The following VPS37C variants were observed in gnomAD, a reference collection of about 807,000 sequenced individuals.
VPS37C encodes the protein VPS37C subunit of ESCRT-I, also known as vacuolar protein sorting-associated protein 37C.
In VPS37C, 9 loss-of-function variants were observed where a neutral mutation model predicts 16.1. That is an observed-to-expected ratio of 0.56 (90% CI 0.34 to 0.97). VPS37C has a LOEUF of 0.97. VPS37C is among the 50% of genes least tolerant of loss of function. VPS37C has a pLI of 0.02. For missense variants in VPS37C, 479 were observed against 472.7 expected (o/e 1.01, Z -0.12); for synonymous variants, 207 against 206.4 (o/e 1.00, Z -0.02).
At position 61,131,985 on chromosome 11, in the gene VPS37C, T is replaced by A; in HGVS notation, c.903A>T (p.Pro301=). ...GAGGTTTTCCTCCTGTTGCGGGGTATGGGGACTGTTGAGGATAACCAGGAC... is the reference window on the plus strand; with the variant it reads ...GAGGTTTTCCTCCTGTTGCGGGGTAAGGGGACTGTTGAGGATAACCAGGAC... ...APSPGYPQQS[P]YPATGGKPPY... The change falls in exon 5 of 5, where the codon CCA becomes CCT. Residue 301 remains proline, a synonymous_variant. Coordinates refer to ENST00000301765, the MANE Select transcript of VPS37C (RefSeq NM_017966.5). 1 of 1,340,834 alleles carries A rather than the reference T, an allele frequency of 7.5e-7. No homozygotes were observed. 83.1% of individuals were successfully genotyped at this position (1,340,834 alleles called of 1,614,324 possible). A position where few individuals can be genotyped will look rare whatever the true frequency, so the allele number is the denominator to read the frequency against.
intron 1 of VPS37C, among the ~76,000 whole-genome samples, chr11:61,150,292 C>G (rs1270718686): frequency 1.3e-5 from 2 of 152,198 alleles, no homozygotes; most frequent in African/African-American, 2.4e-5. Flanking sequence ...CTGCCCTATG[C>G]AGGCTGCAAA....
chr11:61,154,060 A>G (rs1853344333), intron 1 of VPS37C, among the ~76,000 whole-genome samples: 1 of 152,254 alleles, frequency 6.6e-6, no homozygotes, highest in South Asian at 2.1e-4. Context: ...AAACCTTGAG[A>G]GCAGCTTTAA....
intron 2 of VPS37C, among the ~76,000 whole-genome samples, chr11:61,136,830 T>C (rs1177936474): frequency 1.3e-5 from 2 of 152,126 alleles, no homozygotes; most frequent in Non-Finnish European, 2.9e-5. Flanking sequence ...ATCTAATAGT[T>C]CTTAAAAGTT....
intron 2 of VPS37C, among the ~76,000 whole-genome samples, chr11:61,135,496 TG>T (rs1445982445): frequency 6.6e-6 from 1 of 152,244 alleles, no homozygotes; most frequent in Non-Finnish European, 1.5e-5. Context: ...TGCAATAGCA[TG>T]ACCATAGGTC....
chr11:61,146,572 G>T (rs1393828630), intron 1 of VPS37C, among the ~76,000 whole-genome samples: 3 of 152,232 alleles, frequency 2.0e-5, no homozygotes, highest in African/African-American at 7.2e-5. Context: ...GATCCAAGGG[G>T]CTGGGAGGGG....
In VPS37C at chr11:61,134,122, AG is replaced by A. The variant is rs1182208317; in HGVS notation, c.178del (p.Leu60TrpfsTer42). On this transcript the variant is annotated frameshift_variant, in exon 3 of 5. Transcript: ENST00000301765. LOFTEE classifies it high-confidence loss of function. ...AERNLEFQGPLEISRSNLSDR... is the reference protein window; with the variant it reads ...AERNLEFQGPXEISRSNLSDR... ...CGAGAGGTTTGAGCGGCTGATCTCC[AG>A]GGGACCCTGGAACTCCAAGTTCCGC... 3.1e-6 allele frequency: 5 copies of A among 1,613,980 alleles called. No individual in the cohort carries two copies. The highest frequency in any genetic ancestry group is 4.2e-6 in the Non-Finnish European group (5 of 1,179,984).
At chr11:61,143,571 A>G in intron 1 of VPS37C, 1 of 151,820 alleles carries the variant, frequency 6.6e-6, no homozygotes, top group South Asian at 2.1e-4. Context: ...GGGTTTCACC[A>G]TGTTGGCCAA....
chr11:61,147,387 C>T, intron 1 of VPS37C, among the ~76,000 whole-genome samples: 1 of 152,142 alleles, frequency 6.6e-6, no homozygotes, highest in East Asian at 1.9e-4. Context: ...CTTTCCATTA[C>T]TTTATATCTT....
chr11:61,146,141 G>C (rs1019805284), intron 1 of VPS37C, among the ~76,000 whole-genome samples: 3 of 152,248 alleles, frequency 2.0e-5, no homozygotes, highest in African/African-American at 7.2e-5. Flanking sequence ...AAGACGTGGG[G>C]ACAGAGAACG....
rs1861262341 is a variant in VPS37C at position 61,131,696 on chromosome 11, G to A, written c.*124C>T. The A allele has an allele frequency of 3.3e-6, 4 of 1,211,434 alleles. 1 individual carries two copies. Among genetic ancestry groups the A allele is most frequent in the Non-Finnish European group, 4.1e-6 (4 of 969,630 alleles). The allele number at this position is 1,211,434 out of a possible 1,614,324, so 75.0% of individuals were successfully genotyped here. A position where few individuals can be genotyped will look rare whatever the true frequency, so the allele number is the denominator to read the frequency against. On this transcript the variant is annotated 3_prime_UTR_variant, in exon 5 of 5. Coordinates refer to ENST00000301765, the MANE Select transcript of VPS37C (RefSeq NM_017966.5). The stretch of plus-strand genomic sequence containing the variant: ...TGCCTTGTCCCTCCAAGGCCTCTGG[G>A]TGCCGACGCAAGTCCACAGGGAGCA...
At chr11:61,150,427 C>T (rs1408884745) in intron 1 of VPS37C, among the ~76,000 whole-genome samples, 1 of 152,132 alleles carries the variant, frequency 6.6e-6, no homozygotes. Flanking sequence ...CTCACCGCCC[C>T]CACCTGTCAA....
At chr11:61,150,372 A>G (rs1382977348) in intron 1 of VPS37C, among the ~76,000 whole-genome samples, 1 of 151,846 alleles carries the variant, frequency 6.6e-6, no homozygotes, top group African/African-American at 2.4e-5. Context: ...AATGTGTCCT[A>G]TCATGCTGCT....
At chr11:61,134,008 C>T in intron 3 of VPS37C, 28 bp downstream of exon 3, 1 of 1,592,858 alleles carries the variant, frequency 6.3e-7, no homozygotes, top group Non-Finnish European at 8.6e-7. Flanking sequence ...TGAATGGGGA[C>T]CCTGAGTTCA....
chr11:61,132,055 C>A lies in VPS37C; in HGVS notation c.833G>T (p.Gly278Val). 5 of 1,390,856 alleles carry A rather than the reference C, an allele frequency of 3.6e-6. No homozygotes were observed. The highest frequency in any genetic ancestry group is 4.7e-6 in the Non-Finnish European group (5 of 1,068,380). 86.2% of individuals were successfully genotyped at this position (1,390,856 alleles called of 1,614,324 possible). ...CAAGGGGTACCCAGGCCCAGAGGCA[C>A]CCATTGGGGTCCCAGGATAGCCCGG... ...PRPGYPGTPM[G>V]ASGPGYPLRG... is the part of the protein sequence containing the mutation. Residue 278 changes from glycine (G) to valine (V), a missense_variant, in exon 5 of 5, where the codon GGT becomes GTT. Transcript: ENST00000301765.
At chr11:61,147,943 AC>A (rs1853242537) in intron 1 of VPS37C, among the ~76,000 whole-genome samples, 1 of 152,176 alleles carries the variant, frequency 6.6e-6, no homozygotes, top group Non-Finnish European at 1.5e-5. Context: ...TAACTGTGTG[AC>A]CTTAATCAAG....
At chr11:61,154,880 G>A (rs936777879) in intron 1 of VPS37C, among the ~76,000 whole-genome samples, 6 of 152,296 alleles carry the variant, frequency 3.9e-5, no homozygotes, top group African/African-American at 1.4e-4. Flanking sequence ...CGAGGTGGGA[G>A]GATCGCTTGA....
chr11:61,145,254 A>T (rs530428987), intron 1 of VPS37C: 2 of 152,376 alleles, frequency 1.3e-5, no homozygotes, highest in African/African-American at 4.8e-5. Flanking sequence ...GGGTGTTTTC[A>T]TCTCACCAAC....
intron 1 of VPS37C, among the ~76,000 whole-genome samples, chr11:61,152,368 C>T (rs560061967): frequency 2.5e-4 from 38 of 152,184 alleles, no homozygotes; most frequent in Admixed American, 6.5e-4. Context: ...CAATTCTTGA[C>T]TCAGGCAGGA....
At chr11:61,138,510 G>A (rs547731868) in intron 2 of VPS37C, 3 of 533,600 alleles carry the variant, frequency 5.6e-6, no homozygotes, top group Non-Finnish European at 1.0e-5. Context: ...GGGGTATCTG[G>A]GTCCTGGGAA....
Sources: gnomAD v4.1 joint callset for allele counts (sites outside exome capture counted in the v4.1 genomes callset) on GRCh38, gnomAD v4.1.1 for gene constraint, MANE v1.5 for transcripts, NCBI Gene and HGNC (gene_info 2026-07-23, HGNC 2026-07-21) for gene names.